MEGF10: variants seen among roughly 807,000 people sequenced by gnomAD.
The protein encoded by MEGF10 is multiple epidermal growth factor-like domains protein 10.
MEGF10 carries 86 observed loss-of-function variants against 147.5 expected under a neutral mutation model. The observed-to-expected ratio is 0.58, with a 90% CI of 0.49 to 0.70. The LOEUF is 0.70. Among genes scored for constraint, MEGF10 ranks in the 30% least tolerant of loss-of-function variants. The pLI, the probability that MEGF10 is intolerant of heterozygous loss-of-function variation, is 0.00. For missense variants in MEGF10, 1,329 were observed against 1,487.3 expected (o/e 0.89, Z 1.75); for synonymous variants, 478 against 525.5 (o/e 0.91, Z 1.24).
chr5:127,366,050 T>C (rs1762641228), intron 4 of MEGF10, among the ~76,000 whole-genome samples: 1 of 152,196 alleles, frequency 6.6e-6, no homozygotes, highest in Non-Finnish European at 1.5e-5. Flanking sequence ...TATTGGTTTT[T>C]CATGTGGAGC....
chr5:127,310,476 T>C (rs900433140), intron 1 of MEGF10, among the ~76,000 whole-genome samples: 3 of 152,192 alleles, frequency 2.0e-5, no homozygotes, highest in African/African-American at 7.2e-5. Flanking sequence ...TATCCAAGAA[T>C]CATTGCCAAT....
the MEGF10 span, among the ~76,000 whole-genome samples, chr5:127,257,307 T>TAA: frequency 7.5e-3 from 972 of 130,414 alleles, 7 homozygotes; most frequent in Middle Eastern, 0.052. Flanking sequence ...TTCTTTTTAT[T>TAA]AAAAAAAAAA....
chr5:127,354,381 T>C (rs1443415071), intron 4 of MEGF10, among the ~76,000 whole-genome samples: 1 of 152,234 alleles, frequency 6.6e-6, no homozygotes, highest in Admixed American at 6.5e-5. Flanking sequence ...TTCTTCTTTT[T>C]AAAATTGGAA....
chr5:127,447,546 C>A lies in MEGF10; in HGVS notation c.2729-11C>A, dbSNP rs1394019417. ...GCCTGCTGCCTTAACCATTTCCTTCCCTTCTTGCAGGAACCCTTCCTCACA... is the reference window on the plus strand; with the variant it reads ...GCCTGCTGCCTTAACCATTTCCTTCACTTCTTGCAGGAACCCTTCCTCACA... On this transcript the variant is annotated splice_polypyrimidine_tract_variant and intron_variant, in intron 20 of 24. Coordinates refer to ENST00000503335, the MANE Select transcript of MEGF10 (RefSeq NM_001256545.2). 1.2e-6 allele frequency: 2 copies of A among 1,613,790 alleles called. No homozygotes were observed. Among genetic ancestry groups the A allele is most frequent in the Non-Finnish European group, 1.7e-6 (2 of 1,179,916 alleles).
intron 4 of MEGF10, among the ~76,000 whole-genome samples, chr5:127,364,935 C>T (rs1762602055): frequency 6.6e-6 from 1 of 152,118 alleles, no homozygotes; most frequent in Admixed American, 6.6e-5. Context: ...GTCTTTAATA[C>T]CAACTATGAA....
chr5:127,265,729 T>C, the MEGF10 span, among the ~76,000 whole-genome samples: 1 of 152,248 alleles, frequency 6.6e-6, no homozygotes, highest in Non-Finnish European at 1.5e-5. Flanking sequence ...TTTTGAGAAG[T>C]GTCTGTTCAT....
intron 5 of MEGF10, among the ~76,000 whole-genome samples, chr5:127,393,579 A>G (rs1763786100): frequency 6.6e-6 from 1 of 152,208 alleles, no homozygotes; most frequent in South Asian, 2.1e-4. Flanking sequence ...GACCATGTTG[A>G]TGTATGGTAT....
At chr5:127,431,746 C>T (rs76530666) in intron 13 of MEGF10, among the ~76,000 whole-genome samples, 15,315 of 152,178 alleles carry the variant, frequency 0.1, 920 homozygotes, top group Non-Finnish European at 0.13. Flanking sequence ...AAGTGTTTAG[C>T]AGGTTACCCT....
chr5:127,247,407 GAAGAAGA>G, the MEGF10 span, among the ~76,000 whole-genome samples: 4 of 65,300 alleles, frequency 6.1e-5, no homozygotes, highest in Non-Finnish European at 8.8e-5. Context: ...AGAAGAAGAA[GAAGAAGA>G]AGAAGAAGAA....
chr5:127,388,134 T>C (rs2126899365), intron 5 of MEGF10, among the ~76,000 whole-genome samples: 1 of 152,308 alleles, frequency 6.6e-6, no homozygotes, highest in South Asian at 2.1e-4. Flanking sequence ...TCTAGCTTTT[T>C]TGTTTGTATA....
chr5:127,278,930 T>G, the MEGF10 span, among the ~76,000 whole-genome samples: 1 of 152,212 alleles, frequency 6.6e-6, no homozygotes, highest in Non-Finnish European at 1.5e-5. Context: ...AGGATCCACT[T>G]AGTACTAGTA....
At chr5:127,236,995 G>A in the MEGF10 span, among the ~76,000 whole-genome samples, 1 of 152,218 alleles carries the variant, frequency 6.6e-6, no homozygotes, top group East Asian at 1.9e-4. Flanking sequence ...ATAAGAGAGA[G>A]TATGAATTCC....
At chr5:127,361,444 C>G (rs1762467394) in intron 4 of MEGF10, among the ~76,000 whole-genome samples, 2 of 151,830 alleles carry the variant, frequency 1.3e-5, no homozygotes, top group African/African-American at 4.8e-5. Flanking sequence ...AGAAGTTGAT[C>G]CGTTTTGCTG....
chr5:127,251,367 C>G, the MEGF10 span, among the ~76,000 whole-genome samples: 2 of 152,096 alleles, frequency 1.3e-5, no homozygotes, highest in South Asian at 4.1e-4. Context: ...GTTACTTAAA[C>G]TCTTTGTGCC....
Position 127,339,141 on chromosome 5 carries a change from G to A in MEGF10, c.138G>A (p.Glu46=), listed in dbSNP as rs540882852. Reference sequence around the variant, plus strand: ...TCAGCTACTCAGTGACTGTGCAAGAGTCATACCCACATCCCTTTGATCAAA... The same window carrying A: ...TCAGCTACTCAGTGACTGTGCAAGAATCATACCCACATCCCTTTGATCAAA... ...HWESYSVTVQ[E]SYPHPFDQIY... is the part of the protein sequence containing the mutation. The change falls in exon 3 of 25, where the codon GAG becomes GAA. Residue 46 remains glutamate, a synonymous_variant. Coordinates refer to ENST00000503335, the MANE Select transcript of MEGF10 (RefSeq NM_001256545.2). 1.2e-6 allele frequency: 2 copies of A among 1,611,684 alleles called. No individual in the cohort carries two copies. The highest frequency in any genetic ancestry group is 2.2e-5 in the East Asian group (1 of 44,850).
At chr5:127,254,902 T>C in the MEGF10 span, among the ~76,000 whole-genome samples, 1 of 151,528 alleles carries the variant, frequency 6.6e-6, no homozygotes, top group Non-Finnish European at 1.5e-5. Flanking sequence ...ACCAACTCAC[T>C]GAGACAGTGG....
the MEGF10 span, among the ~76,000 whole-genome samples, chr5:127,272,985 G>C: frequency 6.6e-6 from 1 of 152,202 alleles, no homozygotes; most frequent in African/African-American, 2.4e-5. Context: ...TCCAAAATAG[G>C]GGTGGTGAGA....
At chr5:127,322,081 A>T (rs1419164120) in intron 1 of MEGF10, among the ~76,000 whole-genome samples, 1 of 151,504 alleles carries the variant, frequency 6.6e-6, no homozygotes, top group Non-Finnish European at 1.5e-5. Flanking sequence ...TTGCAAAAAA[A>T]AAAAAATAAT....
At chr5:127,398,131 T>C (rs541056530) in intron 6 of MEGF10, among the ~76,000 whole-genome samples, 1 of 152,038 alleles carries the variant, frequency 6.6e-6, no homozygotes, top group South Asian at 2.1e-4. Context: ...GCTTAAAACC[T>C]AGATGACAGG....
Sources: gnomAD v4.1 joint callset for allele counts (sites outside exome capture counted in the v4.1 genomes callset) on GRCh38, gnomAD v4.1.1 for gene constraint, MANE v1.5 for transcripts, NCBI Gene and HGNC (gene_info 2026-07-23, HGNC 2026-07-21) for gene names.